The following ASIC2 variants were observed in gnomAD, a reference collection of about 807,000 sequenced individuals.
The protein encoded by ASIC2 is acid-sensing ion channel 2.
In ASIC2, 25 loss-of-function variants were observed where a neutral mutation model predicts 57.3. That is an observed-to-expected ratio of 0.44 (90% confidence interval 0.32 to 0.61). ASIC2 has a LOEUF of 0.61. Ranked by LOEUF, ASIC2 falls within the 20% of genes least tolerant of loss-of-function variation. ASIC2 has a pLI of 0.06. For synonymous variants in ASIC2, 319 were observed against 307.5 expected, an observed-to-expected ratio of 1.04 and a Z score of -0.39; for missense variants, 641 against 738.1, an observed-to-expected ratio of 0.87 and a Z score of 1.52.
chr17:34,038,942 TGCTCAGTAA>T, intron 1 of ASIC2: 21 of 1,612,994 alleles, frequency 1.3e-5, no homozygotes, highest in Non-Finnish European at 1.6e-5. Context: ...ATCTGTCCAC[TGCTCAGTAA>T]ATTTGGCTCC....
chr17:33,798,608 G>A (rs1911990543), intron 1 of ASIC2, among the ~76,000 whole-genome samples: 1 of 152,168 alleles, frequency 6.6e-6, no homozygotes, highest in African/African-American at 2.4e-5. Context: ...TTATTCACTT[G>A]TCTGTTTGTG....
chr17:33,924,843 C>T (rs1372365827), intron 1 of ASIC2, among the ~76,000 whole-genome samples: 1 of 152,230 alleles, frequency 6.6e-6, no homozygotes, highest in Non-Finnish European at 1.5e-5. Context: ...AACCCAGACT[C>T]TGCAGAGGTG....
At chr17:33,482,405 C>A (rs1913435003) in intron 1 of ASIC2, among the ~76,000 whole-genome samples, 1 of 152,228 alleles carries the variant, frequency 6.6e-6, no homozygotes, top group Admixed American at 6.5e-5. Context: ...CCTAACTCAA[C>A]CCTAAGTGTT....
Position 34,156,057 on chromosome 17 carries a change from C to T in ASIC2, c.476G>A (p.Arg159His). The T allele has an allele frequency of 3.1e-6, 5 of 1,614,024 alleles. No individual in the cohort carries two copies. Among genetic ancestry groups the T allele is most frequent in the Middle Eastern group, 1.7e-4 (1 of 6,056 alleles). The change falls in exon 1 of 10, where the codon CGT becomes CAT. Residue 159 changes from arginine (R) to histidine (H), a missense_variant. Arg to His is a conservative substitution (Grantham distance 29). Coordinates refer to the ASIC2 transcript ENST00000359872. The surrounding 1 kb of genome is among the most constrained non-coding windows in gnomAD (Gnocchi z 4.4). The stretch of plus-strand genomic sequence containing the variant: ...CATATCCTTCAGGTCATGGCCCACA[C>T]GGTGCAGGAACTCCAGCATGCTGAA...
chr17:33,495,493 C>T (rs372818844), intron 1 of ASIC2, among the ~76,000 whole-genome samples: 3 of 152,192 alleles, frequency 2.0e-5, no homozygotes, highest in Middle Eastern at 3.2e-3. Flanking sequence ...AGTTGCTAAA[C>T]CAAATCAACT....
At chr17:34,061,782 G>T (rs965769742) in intron 1 of ASIC2, among the ~76,000 whole-genome samples, 6 of 152,102 alleles carry the variant, frequency 3.9e-5, no homozygotes, top group Non-Finnish European at 8.8e-5. Flanking sequence ...GACAAAGAAG[G>T]ACATTATATA....
At chr17:33,731,087 G>A (rs550415027) in intron 1 of ASIC2, among the ~76,000 whole-genome samples, 28 of 152,324 alleles carry the variant, frequency 1.8e-4, no homozygotes, top group African/African-American at 6.3e-4. Context: ...TGAGTGAATG[G>A]ATGAGGGTAT....
chr17:33,548,063 TG>T (rs764401090), intron 1 of ASIC2, among the ~76,000 whole-genome samples: 7 of 152,184 alleles, frequency 4.6e-5, no homozygotes, highest in Non-Finnish European at 8.8e-5. Context: ...ACAGGGAAAT[TG>T]TGTGATAATT....
intron 1 of ASIC2, among the ~76,000 whole-genome samples, chr17:33,432,336 T>C (rs1159050767): frequency 6.6e-6 from 1 of 152,158 alleles, no homozygotes; most frequent in Non-Finnish European, 1.5e-5. Context: ...GGGAACATAA[T>C]GAGACCTCGT....
At chr17:34,005,045 G>T (rs945380396) in intron 1 of ASIC2, 6 of 152,062 alleles carry the variant, frequency 3.9e-5, no homozygotes, top group African/African-American at 1.2e-4. Context: ...TGCATTAGGT[G>T]CTCAGCTCTC....
At chr17:33,203,116 C>G (rs73982454) in intron 1 of ASIC2, among the ~76,000 whole-genome samples, 4,062 of 152,292 alleles carry the variant, frequency 0.027, 180 homozygotes, top group African/African-American at 0.088. Flanking sequence ...GGCTAAACAC[C>G]TAGGAGCCCA....
At chr17:34,087,062 G>A (rs1043155557) in intron 1 of ASIC2, among the ~76,000 whole-genome samples, 4 of 151,712 alleles carry the variant, frequency 2.6e-5, no homozygotes, top group African/African-American at 9.7e-5. Context: ...ATCGTTCTGT[G>A]TGAATTTGAT....
chr17:33,950,944 T>C (rs1904542064), intron 1 of ASIC2, among the ~76,000 whole-genome samples: 2 of 152,206 alleles, frequency 1.3e-5, no homozygotes, highest in Non-Finnish European at 2.9e-5. Flanking sequence ...CAAATTGATC[T>C]TCAGAGGTAT....
At chr17:33,230,760 A>G (rs774850007) in intron 1 of ASIC2, among the ~76,000 whole-genome samples, 3 of 152,166 alleles carry the variant, frequency 2.0e-5, no homozygotes, top group Admixed American at 6.5e-5. Context: ...AAGAAAGCAA[A>G]GCCCATGAGA....
chr17:33,250,010 G>A (rs1421185423), intron 1 of ASIC2, among the ~76,000 whole-genome samples: 1 of 152,114 alleles, frequency 6.6e-6, no homozygotes, highest in East Asian at 1.9e-4. Flanking sequence ...AGGGCATTGG[G>A]AATCAGGGAT....
At chr17:33,945,084 C>G (rs1292450916) in intron 1 of ASIC2, among the ~76,000 whole-genome samples, 1 of 152,232 alleles carries the variant, frequency 6.6e-6, no homozygotes, top group Non-Finnish European at 1.5e-5. Flanking sequence ...TAGGGCAACT[C>G]TGTAGAAGAC....
intron 1 of ASIC2, among the ~76,000 whole-genome samples, chr17:33,172,136 C>G (rs1905545566): frequency 6.6e-6 from 1 of 152,206 alleles, no homozygotes; most frequent in South Asian, 2.1e-4. Flanking sequence ...CATCATGCCC[C>G]CTGATAGTAT....
intron 1 of ASIC2, among the ~76,000 whole-genome samples, chr17:33,571,762 T>C (rs1449650990): frequency 1.3e-5 from 2 of 152,330 alleles, no homozygotes; most frequent in East Asian, 3.9e-4. Context: ...GGATGTTGTC[T>C]GTTTCATTCA....
At chr17:33,380,443 T>A (rs1285671335) in intron 1 of ASIC2, among the ~76,000 whole-genome samples, 2 of 152,144 alleles carry the variant, frequency 1.3e-5, no homozygotes, top group Non-Finnish European at 2.9e-5. Context: ...ATGTAGAAAG[T>A]GTTACCTTCA....
Sources: allele counts gnomAD v4.1 joint callset (sites outside exome capture counted in the v4.1 genomes callset), GRCh38; gene constraint gnomAD v4.1.1; non-coding constraint Gnocchi (gnomAD v3.1); transcripts MANE v1.5; gene names NCBI Gene and HGNC (gene_info 2026-07-23, HGNC 2026-07-21).